Variants in F2RL1 observed in about 807,000 individuals in gnomAD.
F2RL1 encodes F2R like trypsin receptor 1, also known as proteinase-activated receptor 2.
F2RL1 carries 16 observed loss-of-function variants against 21.7 expected under a neutral mutation model. That is an observed-to-expected ratio of 0.74 (90% CI 0.50 to 1.12). The LOEUF is 1.12. Among genes scored for constraint, F2RL1 ranks in the 50% most tolerant of loss-of-function variants. The probability of loss-of-function intolerance (pLI) is 0.00; values close to 1 mark genes in which losing one functional copy is unlikely to be tolerated. For synonymous variants in F2RL1, 181 were observed against 186.7 expected, an observed-to-expected ratio of 0.97 and a Z score of 0.25; for missense variants, 432 against 477.8, an observed-to-expected ratio of 0.90 and a Z score of 0.89.
At chr5:76,826,251 A>G (rs561561559) in intron 1 of F2RL1, among the ~76,000 whole-genome samples, 1 of 152,092 alleles carries the variant, frequency 6.6e-6, no homozygotes, top group Non-Finnish European at 1.5e-5. Flanking sequence ...TAAACTGTAC[A>G]ATTTAGTGGC....
rs764040748 is a variant in F2RL1, at chr5:76,827,325, CAAAA to C, written c.83-5344_83-5341del. ...TGAAACCCCATCTCTACTAAAAATACAAAAAAAAAAAAAAAAAAAAAAAATTAGC... is the reference window on the plus strand; with the variant it reads ...TGAAACCCCATCTCTACTAAAAATACAAAAAAAAAAAAAAAAAAAATTAGC... On this transcript the variant is annotated intron_variant, in intron 1 of 1. Transcript: ENST00000296677. Among the ~76,000 whole-genome samples, 294 of 87,572 alleles carry C rather than the reference CAAAA, an allele frequency of 3.4e-3. 1 individual carries two copies. The highest frequency in any genetic ancestry group is 0.013 in the African/African-American group (281 of 21,192). 57.5% of individuals were successfully genotyped at this position (87,572 alleles called of 152,430 possible).
Position 76,832,068 on chromosome 5 carries a change from C to G in F2RL1, c.83-622C>G, listed in dbSNP as rs138688136. 2.0e-4 allele frequency among the ~76,000 whole-genome samples: 31 copies of G among 151,580 alleles called. No homozygotes were observed. The East Asian group carries it at 5.4e-3, about 27-fold the overall frequency. On this transcript the variant is annotated intron_variant, in intron 1 of 1. Transcript: ENST00000296677. ...ATAGCTGGGGACTAATGAGTGTGGA[C>G]AGTTTGTAAAAATAAATTGAAATAT...
intron 1 of F2RL1, among the ~76,000 whole-genome samples, chr5:76,820,764 A>T (rs1293310337): frequency 6.6e-6 from 1 of 152,154 alleles, no homozygotes; most frequent in Admixed American, 6.6e-5. Context: ...AGATCCCTGG[A>T]TTATAAGGCG....
At chr5:76,823,586 C>T (rs2243027) in intron 1 of F2RL1, among the ~76,000 whole-genome samples, 164 of 152,000 alleles carry the variant, frequency 1.1e-3, no homozygotes, top group African/African-American at 3.7e-3. Flanking sequence ...GCCATGTTGG[C>T]CAGGCTGGTC....
rs545102761 is a variant in F2RL1, at chr5:76,835,243, A to G, written c.*1442A>G. On this transcript the variant is annotated 3_prime_UTR_variant, in exon 2 of 2. Coordinates refer to ENST00000296677, the MANE Select transcript of F2RL1 (RefSeq NM_005242.6). ...CAAAATGACTTTATACAACGATTGT[A>G]TTTGTGACTTTTAAAAATAATTATT... 4.6e-5 allele frequency: 7 copies of G among 152,414 alleles called. No individual in the cohort carries two copies. Among genetic ancestry groups the G allele is most frequent in the African/African-American group, 1.7e-4 (7 of 41,588 alleles). The allele number at this position is 152,414 out of a possible 1,614,324, so 9.4% of individuals were successfully genotyped here.
At chr5:76,822,770 A>C (rs1299880304) in intron 1 of F2RL1, among the ~76,000 whole-genome samples, 1 of 152,122 alleles carries the variant, frequency 6.6e-6, no homozygotes, top group Non-Finnish European at 1.5e-5. Context: ...TTTATTTTTC[A>C]GTCTGTGCTC....
At chr5:76,825,754 G>A (rs976278732) in intron 1 of F2RL1, among the ~76,000 whole-genome samples, 4 of 152,130 alleles carry the variant, frequency 2.6e-5, no homozygotes, top group Non-Finnish European at 4.4e-5. Flanking sequence ...AGGGACCTTC[G>A]AGTAGCATCT....
intron 1 of F2RL1, among the ~76,000 whole-genome samples, chr5:76,824,155 C>CCA (rs200524385): frequency 8.5e-6 from 1 of 118,260 alleles, no homozygotes; most frequent in Non-Finnish European, 1.8e-5. Flanking sequence ...GTCCTCCCCA[C>CCA]CACACCCCCC....
chr5:76,832,827 AC>A lies in F2RL1; in HGVS notation c.222del (p.Thr75LeufsTer37), dbSNP rs1561212489. On this transcript the variant is annotated frameshift_variant, in exon 2 of 2. Transcript: ENST00000296677. LOFTEE classifies it high-confidence loss of function. The part of the protein sequence containing the change: ...FSASVLTGKL[T>X]TVFLPIVYTI... ...TGCATCTGTCCTCACTGGAAAACTGACCACTGTCTTCCTTCCAATTGTCTAC... is the reference window on the plus strand; with the variant it reads ...TGCATCTGTCCTCACTGGAAAACTGACACTGTCTTCCTTCCAATTGTCTAC... 1 of 1,614,218 alleles carries A rather than the reference AC, an allele frequency of 6.2e-7. No individual in the cohort carries two copies. Among genetic ancestry groups the A allele is most frequent in the East Asian group, 2.2e-5 (1 of 44,882 alleles).
rs1750377496 is a variant in F2RL1, at chr5:76,832,934, T to G, written c.327T>G (p.Pro109=). The change falls in exon 2 of 2, where the codon CCT becomes CCG. Residue 109 remains proline (P), a synonymous_variant. Transcript: ENST00000296677. The part of the protein sequence containing the change: ...VFLFRTKKKH[P]AVIYMANLAL... ...TTTTCCGAACTAAGAAGAAGCACCC[T>G]GCTGTGATTTACATGGCCAATCTGG... The G allele has an allele frequency of 6.2e-7, 1 of 1,614,138 alleles. No homozygotes were observed. The highest frequency in any genetic ancestry group is 8.5e-7 in the Non-Finnish European group (1 of 1,180,054).
Position 76,833,185 on chromosome 5 carries a change from G to A in F2RL1, c.578G>A (p.Gly193Asp). The A allele has an allele frequency of 1.2e-6, 2 of 1,614,074 alleles. No homozygotes were observed. The highest frequency in any genetic ancestry group is 1.7e-6 in the Non-Finnish European group (2 of 1,179,952). The part of the protein sequence containing the change: ...HSRKKANIAI[G>D]ISLAIWLLIL... ...AGGAAGAAGGCAAACATTGCCATTG[G>A]CATCTCCCTGGCAATATGGCTGCTG... is the stretch of plus-strand genomic sequence containing the variant. Residue 193 changes from glycine to aspartate, a missense_variant, in exon 2 of 2, where the codon GGC (glycine) becomes GAC (aspartate). By Grantham distance (94) the Gly-to-Asp change is moderately conservative. Coordinates refer to ENST00000296677, the MANE Select transcript of F2RL1 (RefSeq NM_005242.6).
intron 1 of F2RL1, among the ~76,000 whole-genome samples, chr5:76,824,858 G>T (rs1750210049): frequency 6.6e-6 from 1 of 152,026 alleles, no homozygotes; most frequent in Non-Finnish European, 1.5e-5. Flanking sequence ...ATTCCTTTGA[G>T]ATACAAAATT....
intron 1 of F2RL1, among the ~76,000 whole-genome samples, chr5:76,825,774 C>T (rs772006128): frequency 6.6e-6 from 1 of 151,998 alleles, no homozygotes; most frequent in Non-Finnish European, 1.5e-5. Flanking sequence ...TTGACATTTA[C>T]CAGTGTTATA....
rs775116595 is a variant in F2RL1 at position 76,833,189 on chromosome 5, C to T, written c.582C>T (p.Ile194=). 5 of 1,614,120 alleles carry T rather than the reference C, an allele frequency of 3.1e-6. No homozygotes were observed. Among genetic ancestry groups the T allele is most frequent in the Admixed American group, 3.3e-5 (2 of 60,028 alleles). ...SRKKANIAIG[I]SLAIWLLILL... is the part of the protein sequence containing the mutation. ...AGAAGGCAAACATTGCCATTGGCATCTCCCTGGCAATATGGCTGCTGATTC... is the reference window on the plus strand; with the variant it reads ...AGAAGGCAAACATTGCCATTGGCATTTCCCTGGCAATATGGCTGCTGATTC... The change falls in exon 2 of 2, where the codon ATC becomes ATT. Residue 194 remains isoleucine, a synonymous_variant. Coordinates refer to ENST00000296677, the MANE Select transcript of F2RL1 (RefSeq NM_005242.6).
intron 1 of F2RL1, among the ~76,000 whole-genome samples, chr5:76,823,370 G>GGT (rs1437477642): frequency 2.4e-5 from 3 of 125,996 alleles, no homozygotes. Context: ...TGGTTGGTTG[G>GGT]TTTTTTTTTT....
Position 76,833,146 on chromosome 5 carries a change from C to T in F2RL1, c.539C>T (p.Pro180Leu). 1 of 1,614,188 alleles carries T rather than the reference C, an allele frequency of 6.2e-7. No individual in the cohort carries two copies. The highest frequency in any genetic ancestry group is 1.1e-5 in the South Asian group (1 of 91,082). The change falls in exon 2 of 2, where the codon CCC becomes CTC. Residue 180 changes from proline to leucine, a missense_variant. Physicochemically the swap from Pro to Leu is moderately conservative, Grantham distance 98 (BLOSUM62 -3). Coordinates refer to ENST00000296677, the MANE Select transcript of F2RL1 (RefSeq NM_005242.6). ...CAGAGGTATTGGGTCATCGTGAACC[C>T]CATGGGGCACTCCAGGAAGAAGGCA... ...SVQRYWVIVN[P>L]MGHSRKKANI... is the part of the protein sequence containing the mutation.
At chr5:76,830,922 A>G (rs1750338602) in intron 1 of F2RL1, among the ~76,000 whole-genome samples, 2 of 152,170 alleles carry the variant, frequency 1.3e-5, no homozygotes, top group Admixed American at 1.3e-4. Flanking sequence ...ATGAGATAAG[A>G]GCATGAGTAG....
chr5:76,823,027 A>G (rs1363578842), intron 1 of F2RL1, among the ~76,000 whole-genome samples: 2 of 152,224 alleles, frequency 1.3e-5, no homozygotes, highest in Admixed American at 6.5e-5. Flanking sequence ...TCAGGAGATC[A>G]AGACCATCCT....
At chr5:76,831,424 G>GGGAT (rs1750346135) in intron 1 of F2RL1, among the ~76,000 whole-genome samples, 1 of 152,102 alleles carries the variant, frequency 6.6e-6, no homozygotes, top group East Asian at 1.9e-4. Context: ...GGGCTAGAGT[G>GGGAT]GGATAGAAGG....
Sources: gnomAD v4.1 joint callset for allele counts (sites outside exome capture counted in the v4.1 genomes callset) on GRCh38, gnomAD v4.1.1 for gene constraint, MANE v1.5 for transcripts, NCBI Gene and HGNC (gene_info 2026-07-23, HGNC 2026-07-21) for gene names.